Variants in VSIG10 observed in about 807,000 individuals in gnomAD.
VSIG10 encodes V-set and immunoglobulin domain-containing protein 10.
A neutral mutation model predicts 58.7 loss-of-function variants in VSIG10; 48 were observed. That is an observed-to-expected ratio of 0.82 (90% confidence interval 0.65 to 1.04). VSIG10 has a LOEUF of 1.04. Among genes scored for constraint, VSIG10 ranks in the 50% least tolerant of loss-of-function variants. The probability of loss-of-function intolerance (pLI) is 0.00; values close to 1 mark genes in which losing one functional copy is unlikely to be tolerated. For synonymous variants in VSIG10, 260 were observed against 267.1 expected (o/e 0.97, Z 0.26); for missense variants, 628 against 670.0 (o/e 0.94, Z 0.69).
intron 2 of VSIG10, among the ~76,000 whole-genome samples, chr12:118,083,185 T>C (rs906763279): frequency 1.4e-5 from 2 of 145,012 alleles, no homozygotes; most frequent in African/African-American, 5.1e-5. Flanking sequence ...CTCATGACTG[T>C]AATCCTAGCA....
At chr12:118,076,061 A>C (rs2032713910) in intron 4 of VSIG10, among the ~76,000 whole-genome samples, 2 of 152,206 alleles carry the variant, frequency 1.3e-5, no homozygotes, top group South Asian at 4.1e-4. Context: ...AAATGGACAC[A>C]TATCTGACAA....
intron 3 of VSIG10, 109 bp from the exon 4 acceptor site, chr12:118,079,715 G>C (rs1488776467): frequency 3.5e-6 from 5 of 1,440,638 alleles, no homozygotes; most frequent in East Asian, 2.3e-5. Flanking sequence ...ATCAACCCCA[G>C]TTAGTGTTAG....
chr12:118,076,124 A>G (rs557079513), intron 4 of VSIG10, among the ~76,000 whole-genome samples: 10 of 152,306 alleles, frequency 6.6e-5, no homozygotes, highest in Admixed American at 1.3e-4. Context: ...TGCTGATGTA[A>G]TAGATTGTGA....
intron 4 of VSIG10, among the ~76,000 whole-genome samples, chr12:118,078,953 AAAAAAAAAAAAAAAAT>A (rs1248410184): frequency 1.4e-5 from 2 of 145,230 alleles, no homozygotes; most frequent in East Asian, 2.0e-4. Context: ...AAAAAAAAAA[AAAAAAAAAAAAAAAAT>A]TTTCTTTATA....
intron 2 of VSIG10, among the ~76,000 whole-genome samples, chr12:118,090,730 G>A (rs1032278808): frequency 2.6e-5 from 4 of 152,074 alleles, no homozygotes; most frequent in Admixed American, 1.3e-4. Context: ...ATGACTTACT[G>A]CAGTTTTGAT....
At chr12:118,069,780 C>T (rs746905361) in intron 7 of VSIG10, among the ~76,000 whole-genome samples, 27 of 152,162 alleles carry the variant, frequency 1.8e-4, no homozygotes, top group Non-Finnish European at 2.8e-4. Flanking sequence ...CAGTCACCTG[C>T]CCGAGGAGCT....
intron 2 of VSIG10, among the ~76,000 whole-genome samples, chr12:118,087,855 A>AAAAAAAAG (rs766337791): frequency 1.5e-5 from 2 of 131,320 alleles, no homozygotes; most frequent in Admixed American, 1.7e-4. Flanking sequence ...AAAAAAAAAA[A>AAAAAAAAG]AGAGAGAGAA....
rs987451665 is a variant in VSIG10 at position 118,064,242 on chromosome 12, C to T, written c.*2397G>A. 2 of 152,184 alleles carry T rather than the reference C, an allele frequency of 1.3e-5. No homozygotes were observed. The highest frequency in any genetic ancestry group is 2.9e-5 in the Non-Finnish European group (2 of 68,038). 9.4% of individuals were successfully genotyped at this position (152,184 alleles called of 1,614,324 possible). A position where few individuals can be genotyped will look rare whatever the true frequency, so the allele number is the denominator to read the frequency against. The stretch of plus-strand genomic sequence containing the variant: ...CCAGGATATTACTGTGCACACAGGA[C>T]TCAGATATGTGACAGCAGTCACAGC... On this transcript the variant is annotated 3_prime_UTR_variant, in exon 9 of 9. Coordinates refer to ENST00000359236, the MANE Select transcript of VSIG10 (RefSeq NM_019086.6).
intron 2 of VSIG10, among the ~76,000 whole-genome samples, chr12:118,094,453 G>A (rs1048379627): frequency 7.2e-5 from 11 of 151,838 alleles, no homozygotes; most frequent in African/African-American, 2.7e-4. Flanking sequence ...GCACGATCTC[G>A]GCTCACCACA....
Position 118,088,651 on chromosome 12 carries a change from A to G in VSIG10, c.362-6222T>C, listed in dbSNP as rs1374778257. Among the ~76,000 whole-genome samples, 5 of 151,950 alleles carry G rather than the reference A, an allele frequency of 3.3e-5. No homozygotes were observed. The South Asian group carries it at 8.3e-4, about 25-fold the overall frequency. ...AGATGTCACGCCCTCCCCGCTGGCC[A>G]CTGTCGGGGAGCAACACAGGCTTCC... On this transcript the variant is annotated intron_variant, in intron 2 of 8. Coordinates refer to ENST00000359236, the MANE Select transcript of VSIG10 (RefSeq NM_019086.6).
rs763412816 is a variant in VSIG10 at position 118,079,518 on chromosome 12, G to T, written c.753C>A (p.Tyr251Ter). 1 of 1,614,026 alleles carries T rather than the reference G, an allele frequency of 6.2e-7. No homozygotes were observed. The highest frequency in any genetic ancestry group is 1.7e-5 in the Admixed American group (1 of 60,014). ...CTATCCACAGGAAGTCAGGGTCAGG[G>T]TATCCCCCATCCCAGCGACAGGTAA... ...LQLTCRWDGG[Y>*]PDPDFLWIEE... The change falls in exon 4 of 9, where the codon TAC becomes TAA. Residue 251 changes from tyrosine to a stop codon, truncating the protein, a stop_gained. Transcript: ENST00000359236. LOFTEE classifies it high-confidence loss of function.
chr12:118,098,054 A>C (rs1207716446), intron 1 of VSIG10, among the ~76,000 whole-genome samples: 3 of 152,012 alleles, frequency 2.0e-5, no homozygotes, highest in Non-Finnish European at 4.4e-5. Flanking sequence ...CTAACCAACC[A>C]CCCCAGCCTG....
intron 2 of VSIG10, among the ~76,000 whole-genome samples, chr12:118,088,574 A>G (rs1323206855): frequency 1.3e-5 from 2 of 152,086 alleles, no homozygotes; most frequent in Non-Finnish European, 2.9e-5. Context: ...GCTGAATCAA[A>G]CCTAATCTAT....
At chr12:118,080,348 A>G (rs2032903249) in intron 3 of VSIG10, among the ~76,000 whole-genome samples, 1 of 149,386 alleles carries the variant, frequency 6.7e-6, no homozygotes, top group African/African-American at 2.5e-5. Flanking sequence ...TTAAATAGAG[A>G]CAGGGTTTTG....
At position 118,063,925 on chromosome 12, in the gene VSIG10, T is replaced by C. The variant is rs2032160388; in HGVS notation, c.*2714A>G. On this transcript the variant is annotated 3_prime_UTR_variant, in exon 9 of 9. Transcript: ENST00000359236. ...GGCTAATATCAAAGCCACAGAATTGTGGAGGCCCCCTTCCCAGGCTCCACC... is the reference window on the plus strand; with the variant it reads ...GGCTAATATCAAAGCCACAGAATTGCGGAGGCCCCCTTCCCAGGCTCCACC... 1 of 152,210 alleles carries C rather than the reference T, an allele frequency of 6.6e-6. No individual in the cohort carries two copies. The highest frequency in any genetic ancestry group is 6.5e-5 in the Admixed American group (1 of 15,274). 9.4% of individuals were successfully genotyped at this position (152,210 alleles called of 1,614,324 possible). A position where few individuals can be genotyped will look rare whatever the true frequency, so the allele number is the denominator to read the frequency against.
chr12:118,092,613 T>C (rs2033329919), intron 2 of VSIG10, among the ~76,000 whole-genome samples: 1 of 150,950 alleles, frequency 6.6e-6, no homozygotes, highest in African/African-American at 2.4e-5. Flanking sequence ...AACATTTCAA[T>C]TTCATTTCAT....
intron 5 of VSIG10, among the ~76,000 whole-genome samples, chr12:118,073,057 C>T (rs1172314729): frequency 6.6e-6 from 1 of 151,282 alleles, no homozygotes; most frequent in African/African-American, 2.4e-5. Context: ...CTCACTGCAA[C>T]CTTCGCCTCC....
At chr12:118,074,087 T>TTTGTTTTGTTTTG (rs1485523898) in intron 4 of VSIG10, 95 bp from the exon 5 acceptor site, 2 of 1,400,474 alleles carry the variant, frequency 1.4e-6, no homozygotes, top group African/African-American at 2.9e-5. Flanking sequence ...TTTGTTTTGT[T>TTTGTTTTGTTTTG]TTGTTTTGTT....
intron 2 of VSIG10, among the ~76,000 whole-genome samples, chr12:118,094,283 T>C (rs1353298593): frequency 1.3e-5 from 2 of 152,186 alleles, no homozygotes; most frequent in African/African-American, 4.8e-5. Flanking sequence ...TGTAACTTTG[T>C]TACATAATAA....
Sources: allele counts gnomAD v4.1 joint callset (sites outside exome capture counted in the v4.1 genomes callset), GRCh38; gene constraint gnomAD v4.1.1; transcripts MANE v1.5; gene names NCBI Gene and HGNC (gene_info 2026-07-23, HGNC 2026-07-21).